The following PAN3 variants were observed in gnomAD, a reference collection of about 807,000 sequenced individuals.
The protein encoded by PAN3 is poly(A) specific ribonuclease subunit PAN3.
In PAN3, 19 loss-of-function variants were observed where a neutral mutation model predicts 96.2. The observed-to-expected ratio is 0.20, with a 90% CI of 0.14 to 0.29. The LOEUF is 0.29. Ranked by LOEUF, PAN3 falls within the 10% of genes least tolerant of loss-of-function variation. The pLI, the probability that PAN3 is intolerant of heterozygous loss-of-function variation, is 1.00. For synonymous variants in PAN3, 433 were observed against 406.6 expected (o/e 1.06, Z -0.78); for missense variants, 882 against 1,108.1 (o/e 0.80, Z 2.90).
intron 1 of PAN3, among the ~76,000 whole-genome samples, chr13:28,172,455 CAAAA>C (rs757814023): frequency 6.8e-6 from 1 of 147,320 alleles, no homozygotes; most frequent in Non-Finnish European, 1.5e-5. Context: ...GACTCTGTCT[CAAAA>C]AAAAAATTAT....
chr13:28,266,692 C>A (rs776095358), intron 9 of PAN3, 23 bp from the exon 10 acceptor site: 1 of 1,506,650 alleles, frequency 6.6e-7, no homozygotes, highest in East Asian at 2.4e-5. Context: ...ATTTTCAAGT[C>A]ATCTTCTTAT....
chr13:28,140,602 G>A (rs1869617113), intron 1 of PAN3, among the ~76,000 whole-genome samples: 1 of 152,090 alleles, frequency 6.6e-6, no homozygotes, highest in African/African-American at 2.4e-5. Context: ...AGCTGGCCTG[G>A]AACTCCTGGG....
At chr13:28,148,589 C>T (rs889574218) in intron 1 of PAN3, among the ~76,000 whole-genome samples, 2 of 152,070 alleles carry the variant, frequency 1.3e-5, no homozygotes, top group African/African-American at 4.8e-5. Context: ...AGCCTCCTTC[C>T]CTCCCTAGTT....
chr13:28,172,404 C>T (rs571993165), intron 1 of PAN3, among the ~76,000 whole-genome samples: 76 of 151,934 alleles, frequency 5.0e-4, no homozygotes, highest in Non-Finnish European at 7.5e-4. Context: ...TGCAGTGAGC[C>T]GAGATCACGC....
intron 6 of PAN3, among the ~76,000 whole-genome samples, chr13:28,227,509 C>T (rs539437548): frequency 1.3e-5 from 2 of 152,200 alleles, no homozygotes; most frequent in Non-Finnish European, 2.9e-5. Flanking sequence ...TATTATGACT[C>T]GATTGCCTTT....
At chr13:28,253,103 T>C (rs1566230328) in intron 6 of PAN3, among the ~76,000 whole-genome samples, 1 of 152,198 alleles carries the variant, frequency 6.6e-6, no homozygotes, top group Non-Finnish European at 1.5e-5. Context: ...TATCAAATGG[T>C]TTCCTGAAAC....
intron 4 of PAN3, among the ~76,000 whole-genome samples, chr13:28,195,081 A>T (rs968560673): frequency 6.6e-6 from 1 of 152,152 alleles, no homozygotes; most frequent in Non-Finnish European, 1.5e-5. Flanking sequence ...TTGGTTCAAG[A>T]TTGCATAAAG....
intron 1 of PAN3, 92 bp downstream of exon 1, chr13:28,139,179 C>G: frequency 4.1e-6 from 5 of 1,214,372 alleles, no homozygotes; most frequent in Non-Finnish European, 5.2e-6. Flanking sequence ...GAGCACGGCC[C>G]GCGGGCTCCC....
intron 18 of PAN3, among the ~76,000 whole-genome samples, chr13:28,291,868 A>G (rs1316207519): frequency 2.0e-5 from 3 of 152,128 alleles, no homozygotes; most frequent in East Asian, 3.8e-4. Flanking sequence ...TTATAAATTC[A>G]TGGTGTCTGA....
chr13:28,264,666 T>C (rs1886015274), intron 9 of PAN3, among the ~76,000 whole-genome samples: 1 of 152,216 alleles, frequency 6.6e-6, no homozygotes, highest in Non-Finnish European at 1.5e-5. Context: ...AACGAGTGCC[T>C]ACTATCCTTG....
chr13:28,206,501 T>G (rs1215902016), intron 5 of PAN3, among the ~76,000 whole-genome samples: 4 of 151,802 alleles, frequency 2.6e-5, no homozygotes, highest in Non-Finnish European at 5.9e-5. Flanking sequence ...TTTGTATATT[T>G]AGTAGATATA....
In PAN3 at chr13:28,144,718, C is replaced by CCTTTTTTTTTTTTT. The variant is rs1555267661; in HGVS notation, c.430+5631_430+5632insCTTTTTTTTTTTTT. On this transcript the variant is annotated intron_variant, in intron 1 of 18. Transcript: ENST00000380958. Reference sequence around the variant, plus strand: ...TATCAAAAGCAAACCAAAACATCATCTTTTTTTTTTTTTTTTTTTTTCCTC... The same window carrying CCTTTTTTTTTTTTT: ...TATCAAAAGCAAACCAAAACATCATCCTTTTTTTTTTTTTTTTTTTTTTTTTTTTTTTTTTCCTC... 1.9e-4 allele frequency among the ~76,000 whole-genome samples: 9 copies of CCTTTTTTTTTTTTT among 46,776 alleles called. 4 individuals are homozygous for CCTTTTTTTTTTTTT. Among genetic ancestry groups the CCTTTTTTTTTTTTT allele is most frequent in the Non-Finnish European group, 1.8e-4 (4 of 22,264 alleles). 30.7% of individuals were successfully genotyped at this position (46,776 alleles called of 152,430 possible).
At chr13:28,153,296 C>T (rs940211700) in intron 1 of PAN3, among the ~76,000 whole-genome samples, 4 of 131,712 alleles carry the variant, frequency 3.0e-5, no homozygotes, top group Non-Finnish European at 3.0e-5. Context: ...AGTGCAATGG[C>T]GCGATCTCGG....
intron 1 of PAN3, among the ~76,000 whole-genome samples, chr13:28,153,641 G>A (rs1871697183): frequency 6.6e-6 from 1 of 152,114 alleles, no homozygotes. Context: ...TTCGATTTCT[G>A]TATTTCTGAA....
At chr13:28,228,087 A>AGCT (rs1882189499) in intron 6 of PAN3, among the ~76,000 whole-genome samples, 1 of 152,202 alleles carries the variant, frequency 6.6e-6, no homozygotes, top group Admixed American at 6.5e-5. Flanking sequence ...TCAACCTTTT[A>AGCT]GCTCAGTGAT....
chr13:28,265,511 A>G (rs543211056), intron 9 of PAN3, among the ~76,000 whole-genome samples: 1 of 152,344 alleles, frequency 6.6e-6, no homozygotes, highest in South Asian at 2.1e-4. Flanking sequence ...TCTCTCAGCT[A>G]TGCAATCCTT....
At chr13:28,275,473 CTG>C (rs1297657105) in intron 14 of PAN3, among the ~76,000 whole-genome samples, 2 of 152,156 alleles carry the variant, frequency 1.3e-5, no homozygotes, top group Non-Finnish European at 2.9e-5. Context: ...AGTTGGAAGA[CTG>C]TGTGTTGGTA....
chr13:28,263,650 A>G (rs1175980451), intron 9 of PAN3, among the ~76,000 whole-genome samples: 6 of 152,154 alleles, frequency 3.9e-5, no homozygotes, highest in Admixed American at 1.3e-4. Context: ...ATGGTTTTCT[A>G]TATTGACAAG....
intron 6 of PAN3, among the ~76,000 whole-genome samples, chr13:28,241,821 T>A (rs1359872764): frequency 6.6e-6 from 1 of 152,134 alleles, no homozygotes; most frequent in Admixed American, 6.5e-5. Flanking sequence ...TTCCTTAGTA[T>A]GATTTTTCTC....
Sources: allele counts gnomAD v4.1 joint callset (sites outside exome capture counted in the v4.1 genomes callset), GRCh38; gene constraint gnomAD v4.1.1; transcripts MANE v1.5; gene names NCBI Gene and HGNC (gene_info 2026-07-23, HGNC 2026-07-21).